PTPN21: variants seen among roughly 807,000 people sequenced by gnomAD.
PTPN21 encodes the protein tyrosine-protein phosphatase non-receptor type 21.
Under a neutral mutation model 131.8 loss-of-function variants are expected in PTPN21, and 77 were observed. The observed-to-expected ratio is 0.58, with a 90% CI of 0.49 to 0.71. PTPN21 has a LOEUF of 0.71. Among genes scored for constraint, PTPN21 ranks in the 30% least tolerant of loss-of-function variants. The pLI is 0.00. For missense variants in PTPN21, 1,552 were observed against 1,527.1 expected (o/e 1.02, Z -0.27); for synonymous variants, 715 against 621.3 (o/e 1.15, Z -2.24).
At chr14:88,523,010 A>G (rs1460522080) in intron 2 of PTPN21, among the ~76,000 whole-genome samples, 1 of 152,068 alleles carries the variant, frequency 6.6e-6, no homozygotes, top group Non-Finnish European at 1.5e-5. Flanking sequence ...ACTTTCCAAA[A>G]TAATTTAAAA....
chr14:88,499,860 A>T (rs2077982769), intron 8 of PTPN21, among the ~76,000 whole-genome samples: 1 of 152,212 alleles, frequency 6.6e-6, no homozygotes, highest in Admixed American at 6.5e-5. Context: ...ATATGGTCCA[A>T]CTTACTATCT....
In PTPN21 at chr14:88,553,009, G is replaced by T. The variant is rs575305740; in HGVS notation, c.-203+1642C>A. Among the ~76,000 whole-genome samples, 32 of 152,212 alleles carry T rather than the reference G, an allele frequency of 2.1e-4. No individual in the cohort carries two copies. In the South Asian group the frequency reaches 2.7e-3, roughly 13 times the overall value. On this transcript the variant is annotated intron_variant, in intron 1 of 18. Coordinates refer to ENST00000556564, the MANE Select transcript of PTPN21 (RefSeq NM_007039.4). Reference sequence around the variant, plus strand: ...TGAACAGACAAGATATTGCATATGTGTAGAGGAAAGATAAATATTTGTATT... The same window carrying T: ...TGAACAGACAAGATATTGCATATGTTTAGAGGAAAGATAAATATTTGTATT...
chr14:88,487,938 C>G (rs2077761695), intron 10 of PTPN21, among the ~76,000 whole-genome samples: 1 of 140,078 alleles, frequency 7.1e-6, no homozygotes, highest in African/African-American at 2.7e-5. Context: ...TGCACTCCAG[C>G]CTGGGCGACA....
At chr14:88,531,192 G>T (rs1483574452) in intron 2 of PTPN21, among the ~76,000 whole-genome samples, 1 of 152,114 alleles carries the variant, frequency 6.6e-6, no homozygotes, top group Admixed American at 6.6e-5. Flanking sequence ...GAATAATTTT[G>T]AATCAACAAC....
intron 12 of PTPN21, among the ~76,000 whole-genome samples, 193 bp downstream of exon 12, chr14:88,484,883 T>G: frequency 7.5e-6 from 1 of 133,252 alleles, no homozygotes; most frequent in African/African-American, 2.8e-5. Flanking sequence ...TGAGACTCTG[T>G]CTCCAAAAAA....
intron 2 of PTPN21, among the ~76,000 whole-genome samples, chr14:88,536,179 T>G (rs1156383647): frequency 6.6e-6 from 1 of 152,246 alleles, no homozygotes; most frequent in Non-Finnish European, 1.5e-5. Context: ...CAATAGTCAC[T>G]GTAGAGAATT....
chr14:88,494,409 C>T (rs1263035925), intron 10 of PTPN21, among the ~76,000 whole-genome samples: 1 of 152,202 alleles, frequency 6.6e-6, no homozygotes, highest in African/African-American at 2.4e-5. Context: ...TGGTGGCTCA[C>T]ACCTGTCCAG....
intron 2 of PTPN21, among the ~76,000 whole-genome samples, chr14:88,537,329 G>A (rs2078645208): frequency 6.6e-6 from 1 of 152,124 alleles, no homozygotes; most frequent in Admixed American, 6.6e-5. Context: ...TGAGATTACT[G>A]TCCACATGGA....
At chr14:88,522,215 T>C (rs1469190985) in intron 2 of PTPN21, among the ~76,000 whole-genome samples, 2 of 151,648 alleles carry the variant, frequency 1.3e-5, no homozygotes, top group Non-Finnish European at 2.9e-5. Context: ...TCACTTGAGG[T>C]CAGGAGTTCG....
intron 2 of PTPN21, among the ~76,000 whole-genome samples, chr14:88,548,054 C>A (rs138151367): frequency 6.6e-6 from 1 of 152,278 alleles, no homozygotes; most frequent in African/African-American, 2.4e-5. Flanking sequence ...GCCCCACCAT[C>A]TACTGAAAAC....
chr14:88,469,098 GA>G lies in PTPN21; in HGVS notation c.3236-23del. The G allele has an allele frequency of 6.2e-7, 1 of 1,600,264 alleles. No individual in the cohort carries two copies. The highest frequency in any genetic ancestry group is 8.5e-7 in the Non-Finnish European group (1 of 1,169,894). On this transcript the variant is annotated intron_variant, in intron 17 of 18. Coordinates refer to ENST00000556564, the MANE Select transcript of PTPN21 (RefSeq NM_007039.4). This position sits in a 1 kb window ranked among gnomAD's most constrained non-coding sequence, Gnocchi z 4.3. ...TATGCTGTGGAAAATCAATGAAATAGAAAAGTACTCAAGGATCAAGGCGTAT... is the reference window on the plus strand; with the variant it reads ...TATGCTGTGGAAAATCAATGAAATAGAAAGTACTCAAGGATCAAGGCGTAT...
At chr14:88,487,008 G>T (rs1335290041) in intron 10 of PTPN21, among the ~76,000 whole-genome samples, 3 of 146,982 alleles carry the variant, frequency 2.0e-5, no homozygotes, top group Non-Finnish European at 4.5e-5. Context: ...GTACCTAAAC[G>T]TATTAGGGAG....
At chr14:88,553,405 A>G (rs1224398438) in intron 1 of PTPN21, among the ~76,000 whole-genome samples, 7 of 152,118 alleles carry the variant, frequency 4.6e-5, no homozygotes, top group Non-Finnish European at 7.4e-5. Context: ...ATTTTCAGTA[A>G]TATGCAGTAT....
Position 88,547,545 on chromosome 14 carries a change from T to C in PTPN21, c.180+2693A>G, listed in dbSNP as rs371374759. On this transcript the variant is annotated intron_variant, in intron 2 of 18. Transcript: ENST00000556564. ...GGAGTGTACCTGTAGTCCCAGCTCT[T>C]GGCAGGCTAAGGCAAAAGGATCACT... is the stretch of plus-strand genomic sequence containing the variant. 1.0e-5 allele frequency: 4 copies of C among 387,776 alleles called. No homozygotes were observed. The East Asian group carries it at 2.5e-4, about 24-fold the overall frequency. The allele number at this position is 387,776 out of a possible 1,614,324, so 24.0% of individuals were successfully genotyped here. A position where few individuals can be genotyped will look rare whatever the true frequency, so the allele number is the denominator to read the frequency against.
At chr14:88,507,783 C>A in intron 4 of PTPN21, 140 bp downstream of exon 4, 2 of 480,286 alleles carry the variant, frequency 4.2e-6, no homozygotes, top group Non-Finnish European at 7.0e-6. Flanking sequence ...AAGGAAGCCC[C>A]TTAGATAACA....
At chr14:88,524,101 C>T (rs979378453) in intron 2 of PTPN21, among the ~76,000 whole-genome samples, 1 of 152,124 alleles carries the variant, frequency 6.6e-6, no homozygotes, top group Admixed American at 6.6e-5. Context: ...TCCCAATATG[C>T]TTTTTCATAG....
intron 3 of PTPN21, among the ~76,000 whole-genome samples, chr14:88,511,110 C>T (rs879567942): frequency 2.6e-5 from 4 of 151,916 alleles, no homozygotes; most frequent in Non-Finnish European, 4.4e-5. Flanking sequence ...GAAACAGGGT[C>T]TCTCTATGTT....
At chr14:88,477,317 C>T (rs949599261) in intron 13 of PTPN21, among the ~76,000 whole-genome samples, 1 of 151,660 alleles carries the variant, frequency 6.6e-6, no homozygotes, top group Non-Finnish European at 1.5e-5. Flanking sequence ...CCTGTAATCC[C>T]AGCACTTTGG....
chr14:88,553,473 A>T (rs1451571457), intron 1 of PTPN21, among the ~76,000 whole-genome samples: 1 of 152,174 alleles, frequency 6.6e-6, no homozygotes, highest in Non-Finnish European at 1.5e-5. Flanking sequence ...AACCAAGATG[A>T]GTAGAAATTT....
Sources: gnomAD v4.1 joint callset for allele counts (sites outside exome capture counted in the v4.1 genomes callset) on GRCh38, gnomAD v4.1.1 for gene constraint, Gnocchi (gnomAD v3.1) non-coding constraint, MANE v1.5 for transcripts, NCBI Gene and HGNC (gene_info 2026-07-23, HGNC 2026-07-21) for gene names.